The following PRDM16 variants were observed in gnomAD, a reference collection of about 807,000 sequenced individuals.
PRDM16 encodes the protein PR/SET domain 16.
In PRDM16, 23 loss-of-function variants were observed where a neutral mutation model predicts 110.6. The ratio of observed to expected loss-of-function variants is 0.21; its 90% CI spans 0.15 to 0.29. PRDM16 has a LOEUF of 0.29. Among genes scored for constraint, PRDM16 ranks in the 10% least tolerant of loss-of-function variants. PRDM16 has a pLI of 1.00. For synonymous variants in PRDM16, 799 were observed against 781.8 expected, an observed-to-expected ratio of 1.02 and a Z score of -0.37; for missense variants, 1,615 against 1,794.3, an observed-to-expected ratio of 0.90 and a Z score of 1.81.
At chr1:3,323,127 C>T (rs532073238) in intron 3 of PRDM16, among the ~76,000 whole-genome samples, 3 of 152,324 alleles carry the variant, frequency 2.0e-5, no homozygotes, top group East Asian at 1.9e-4. Context: ...GGAAGCCATA[C>T]GCTATTGTCA....
rs933620308 is a variant in PRDM16 at position 3,161,982 on chromosome 1, G to A, written c.38-24143G>A. On this transcript the variant is annotated intron_variant, in intron 1 of 16. Coordinates refer to ENST00000270722, the MANE Select transcript of PRDM16 (RefSeq NM_022114.4). ...CAGCGCTCAGGGCACTCGGTTGGAC[G>A]TCGCCAGGGTGGCTCGGCCCCTCCA... Among the ~76,000 whole-genome samples, 39 of 152,308 alleles carry A rather than the reference G, an allele frequency of 2.6e-4. 1 individual carries two copies. The highest frequency in any genetic ancestry group is 7.2e-4 in the African/African-American group (30 of 41,568).
intron 2 of PRDM16, among the ~76,000 whole-genome samples, chr1:3,197,376 T>C (rs1345183223): frequency 6.6e-6 from 1 of 152,172 alleles, no homozygotes; most frequent in African/African-American, 2.4e-5. Context: ...CAGCTCGTCG[T>C]GGGCACTCAG....
At chr1:3,153,515 G>C (rs1233480882) in intron 1 of PRDM16, among the ~76,000 whole-genome samples, 1 of 152,230 alleles carries the variant, frequency 6.6e-6, no homozygotes, top group African/African-American at 2.4e-5. Context: ...TCCCCTGGAA[G>C]CAATCCATCA....
intron 3 of PRDM16, among the ~76,000 whole-genome samples, chr1:3,288,432 C>T (rs938965763): frequency 3.3e-5 from 5 of 152,180 alleles, no homozygotes; most frequent in Admixed American, 2.0e-4. Context: ...TGGAAGGGAA[C>T]GCCCTCACCT....
At chr1:3,180,966 A>ACGCAGC (rs1644148756) in intron 1 of PRDM16, among the ~76,000 whole-genome samples, 1 of 138,684 alleles carries the variant, frequency 7.2e-6, no homozygotes, top group African/African-American at 2.8e-5. Context: ...AGTCTTACAC[A>ACGCAGC]CTCGGTCTTA....
Position 3,143,063 on chromosome 1 carries a change from G to A in PRDM16, c.38-43062G>A, listed in dbSNP as rs531816907. ...AGATCACATAGGGGCTGGAGAATTC[G>A]TACCCGCGGGCACCCATGGAAGCCT... is the stretch of plus-strand genomic sequence containing the variant. On this transcript the variant is annotated intron_variant, in intron 1 of 16. Coordinates refer to ENST00000270722, the MANE Select transcript of PRDM16 (RefSeq NM_022114.4). This position sits in a 1 kb window ranked among gnomAD's most constrained non-coding sequence, Gnocchi z 4.5. Among the ~76,000 whole-genome samples the A allele has an allele frequency of 1.5e-4, 23 of 152,324 alleles. No individual in the cohort carries two copies. In the South Asian group the frequency reaches 3.3e-3, roughly 22 times the overall value.
At chr1:3,385,661 C>T (rs1643182472) in intron 4 of PRDM16, among the ~76,000 whole-genome samples, 1 of 152,250 alleles carries the variant, frequency 6.6e-6, no homozygotes, top group African/African-American at 2.4e-5. Flanking sequence ...CAGGAACAGT[C>T]ACTGAAAGAA....
chr1:3,097,066 G>T (rs905350643), intron 1 of PRDM16, among the ~76,000 whole-genome samples: 5 of 152,166 alleles, frequency 3.3e-5, no homozygotes, highest in Admixed American at 3.3e-4. Flanking sequence ...CCCTTTTGCT[G>T]GGGCTGGGGT....
chr1:3,084,698 C>T (rs1337473820), intron 1 of PRDM16, among the ~76,000 whole-genome samples: 12 of 152,118 alleles, frequency 7.9e-5, no homozygotes, highest in South Asian at 2.1e-4. Flanking sequence ...ATCTAGGGCT[C>T]CCACCCGCTT....
At chr1:3,430,630 T>C (rs1638738204) in intron 14 of PRDM16, among the ~76,000 whole-genome samples, 1 of 152,212 alleles carries the variant, frequency 6.6e-6, no homozygotes, top group Non-Finnish European at 1.5e-5. Context: ...CTGCTGGGCC[T>C]TGCCCTGCCC....
At position 3,148,701 on chromosome 1, in the gene PRDM16, C is replaced by T. The variant is rs1034843760; in HGVS notation, c.38-37424C>T. Among the ~76,000 whole-genome samples, 26 of 152,354 alleles carry T rather than the reference C, an allele frequency of 1.7e-4. 1 individual carries two copies. The highest frequency in any genetic ancestry group is 3.8e-4 in the Non-Finnish European group (26 of 68,032). On this transcript the variant is annotated intron_variant, in intron 1 of 16. Transcript: ENST00000270722. This position sits in a 1 kb window ranked among gnomAD's most constrained non-coding sequence, Gnocchi z 5.0. ...GGAAGTCCAGTTTGTGTCAGAGCAG[C>T]GGCCCAAAGCCAAAGGGTGGTGAAT...
At chr1:3,191,125 G>A (rs887984106) in intron 2 of PRDM16, among the ~76,000 whole-genome samples, 1 of 152,256 alleles carries the variant, frequency 6.6e-6, no homozygotes, top group African/African-American at 2.4e-5. Context: ...GGCCCTGCCT[G>A]TAATCAGAAC....
rs201199516 is a variant in PRDM16, at chr1:3,402,957, C to G, written c.843C>G (p.His281Gln). The change falls in exon 6 of 17, where the codon CAC becomes CAG. Residue 281 changes from histidine to glutamine, a missense_variant. By Grantham distance (24) the His-to-Gln change is conservative. Transcript: ENST00000270722. Reference protein sequence around the residue: ...EGLGGGSGQAHECKDCERMFP... With the variant: ...EGLGGGSGQAQECKDCERMFP... The stretch of plus-strand genomic sequence containing the variant: ...TTGGCGGTGGCAGCGGCCAAGCCCA[C>G]GAGTGCAAGGACTGCGAGCGGATGT... 31 of 1,612,194 alleles carry G rather than the reference C, an allele frequency of 1.9e-5. No individual in the cohort carries two copies. The highest frequency in any genetic ancestry group is 2.5e-5 in the Non-Finnish European group (29 of 1,179,860).
chr1:3,341,774 C>T (rs549153489), intron 3 of PRDM16, among the ~76,000 whole-genome samples: 19 of 152,372 alleles, frequency 1.2e-4, no homozygotes, highest in South Asian at 4.1e-4. Flanking sequence ...CCAGGCCAGC[C>T]ACACAGTCAT....
chr1:3,393,707 GGA>G (rs896027464), intron 4 of PRDM16, among the ~76,000 whole-genome samples: 1 of 152,188 alleles, frequency 6.6e-6, no homozygotes, highest in Non-Finnish European at 1.5e-5. Flanking sequence ...GTGACACCGG[GGA>G]CAGGCTGTAA....
chr1:3,181,756 GGTCTTACACACA>G (rs1270913343), intron 1 of PRDM16, among the ~76,000 whole-genome samples: 24 of 62,458 alleles, frequency 3.8e-4, no homozygotes, highest in South Asian at 9.0e-4. Flanking sequence ...TCTTACACAC[GGTCTTACACACA>G]GTCTTACACA....
chr1:3,256,708 T>G (rs1234647855), intron 3 of PRDM16, among the ~76,000 whole-genome samples: 2 of 151,934 alleles, frequency 1.3e-5, no homozygotes, highest in Non-Finnish European at 2.9e-5. Context: ...AATACAAAAA[T>G]TAGCCGGGCA....
chr1:3,428,220 C>T (rs1355340730), intron 14 of PRDM16, among the ~76,000 whole-genome samples: 6 of 147,856 alleles, frequency 4.1e-5, no homozygotes, highest in Admixed American at 1.3e-4. Context: ...GCAGCCCGGC[C>T]GCACTGCAGG....
intron 16 of PRDM16, among the ~76,000 whole-genome samples, chr1:3,433,366 C>A (rs1247485870): frequency 6.6e-6 from 1 of 152,258 alleles, no homozygotes. Context: ...CAAGGTTGAG[C>A]CAGGCCAGGG....
Sources: allele counts gnomAD v4.1 joint callset (sites outside exome capture counted in the v4.1 genomes callset), GRCh38; gene constraint gnomAD v4.1.1; non-coding constraint Gnocchi (gnomAD v3.1); transcripts MANE v1.5; gene names NCBI Gene and HGNC (gene_info 2026-07-23, HGNC 2026-07-21).